MALRD1: variants seen among roughly 807,000 people sequenced by gnomAD.
MALRD1 encodes the protein MAM and LDL receptor class A domain containing 1, also known as MAM and LDL-receptor class A domain-containing protein 1.
Under a neutral mutation model 242.1 loss-of-function variants are expected in MALRD1, and 247 were observed. The ratio of observed to expected loss-of-function variants is 1.02; its 90% CI spans 0.92 to 1.13. The LOEUF is 1.13. Among genes scored for constraint, MALRD1 ranks in the 50% most tolerant of loss-of-function variants. The pLI is 0.00. For synonymous variants in MALRD1, 995 were observed against 866.6 expected (o/e 1.15, Z -2.60); for missense variants, 2,989 against 2,533.1 (o/e 1.18, Z -3.86).
chr10:19,166,680 T>C (rs192374243), intron 13 of MALRD1, among the ~76,000 whole-genome samples: 1 of 152,114 alleles, frequency 6.6e-6, no homozygotes, highest in Non-Finnish European at 1.5e-5. Context: ...AAATATCACA[T>C]TTACCCCATA....
At position 19,165,684 on chromosome 10, in the gene MALRD1, T is replaced by C; in HGVS notation, c.1704T>C (p.Phe568=). Reference sequence around the variant, plus strand: ...CTCAACATTCAAATCTCTCAGTTTTTACAAGAACGTCTCTAGATGGAAACT... The same window carrying C: ...CTCAACATTCAAATCTCTCAGTTTTCACAAGAACGTCTCTAGATGGAAACT... The part of the protein sequence containing the change: ...HLSQHSNLSV[F]TRTSLDGNLQ... Residue 568 remains phenylalanine, a synonymous_variant, in exon 13 of 40, where the codon TTT becomes TTC. Transcript: ENST00000454679. 8.1e-7 allele frequency: 1 copy of C among 1,231,680 alleles called. No individual in the cohort carries two copies. Among genetic ancestry groups the C allele is most frequent in the Non-Finnish European group, 1.0e-6 (1 of 987,948 alleles). The allele number at this position is 1,231,680 out of a possible 1,614,324, so 76.3% of individuals were successfully genotyped here. A position where few individuals can be genotyped will look rare whatever the true frequency, so the allele number is the denominator to read the frequency against.
chr10:19,369,812 C>T (rs1404676354), intron 26 of MALRD1, among the ~76,000 whole-genome samples: 1 of 151,480 alleles, frequency 6.6e-6, no homozygotes, highest in Non-Finnish European at 1.5e-5. Flanking sequence ...CTCTAGATGC[C>T]AGTATCATTA....
chr10:19,320,372 C>A (rs1842872295), intron 21 of MALRD1, among the ~76,000 whole-genome samples: 1 of 152,106 alleles, frequency 6.6e-6, no homozygotes, highest in Non-Finnish European at 1.5e-5. Flanking sequence ...TTTCCACCTT[C>A]ATCCATGTCC....
At chr10:19,520,266 A>G (rs1057098354) in intron 31 of MALRD1, among the ~76,000 whole-genome samples, 3 of 152,166 alleles carry the variant, frequency 2.0e-5, no homozygotes, top group Non-Finnish European at 4.4e-5. Flanking sequence ...CCCAAAATGT[A>G]TAAAACTGAT....
intron 31 of MALRD1, among the ~76,000 whole-genome samples, chr10:19,529,846 A>T (rs1024668076): frequency 6.6e-6 from 1 of 152,108 alleles, no homozygotes; most frequent in Non-Finnish European, 1.5e-5. Flanking sequence ...AGAAAGGAAG[A>T]TTACAGGAAT....
At chr10:19,603,688 G>A (rs999207415) in intron 34 of MALRD1, among the ~76,000 whole-genome samples, 2 of 152,000 alleles carry the variant, frequency 1.3e-5, no homozygotes, top group Non-Finnish European at 2.9e-5. Context: ...CCCTTTTTTG[G>A]TTTCATATTT....
In MALRD1 at chr10:19,446,780, T is replaced by G. The variant is rs79825253; in HGVS notation, c.4846-3527T>G. On this transcript the variant is annotated intron_variant, in intron 28 of 39. Coordinates refer to ENST00000454679, the MANE Select transcript of MALRD1 (RefSeq NM_001142308.3). Reference sequence around the variant, plus strand: ...TAACCATTTTTGTATTAGTGTCTATTTTTTACTCTTATTAATGTGGTTAAT... The same window carrying G: ...TAACCATTTTTGTATTAGTGTCTATGTTTTACTCTTATTAATGTGGTTAAT... Among the ~76,000 whole-genome samples the G allele has an allele frequency of 6.7e-3, 1,015 of 152,302 alleles. 14 individuals are homozygous for G. The highest frequency in any genetic ancestry group is 0.024 in the Admixed American group (369 of 15,300).
At chr10:19,070,609 A>G (rs948037542) in intron 2 of MALRD1, among the ~76,000 whole-genome samples, 1 of 152,028 alleles carries the variant, frequency 6.6e-6, no homozygotes, top group Non-Finnish European at 1.5e-5. Context: ...ATTGTGCATA[A>G]TTACAATGGG....
intron 32 of MALRD1, among the ~76,000 whole-genome samples, chr10:19,559,858 A>G (rs978530845): frequency 6.6e-6 from 1 of 152,228 alleles, no homozygotes; most frequent in African/African-American, 2.4e-5. Context: ...TGAAAAGAAG[A>G]CATTTATGAG....
intron 29 of MALRD1, among the ~76,000 whole-genome samples, chr10:19,461,057 T>A (rs1168184514): frequency 1.3e-5 from 2 of 152,144 alleles, no homozygotes; most frequent in Admixed American, 1.3e-4. Context: ...TGCCTACTTG[T>A]TTAATTGTTT....
At chr10:19,650,151 T>G (rs560755622) in intron 36 of MALRD1, among the ~76,000 whole-genome samples, 1 of 152,280 alleles carries the variant, frequency 6.6e-6, no homozygotes, top group Non-Finnish European at 1.5e-5. Context: ...AAAATTTTCC[T>G]GAGTAGGATT....
At chr10:19,578,895 C>A (rs1165066248) in intron 33 of MALRD1, among the ~76,000 whole-genome samples, 1 of 152,000 alleles carries the variant, frequency 6.6e-6, no homozygotes, top group East Asian at 1.9e-4. Context: ...TTGAGCCATC[C>A]AGTTCTGACC....
chr10:19,462,497 T>C (rs1266117884), intron 29 of MALRD1, among the ~76,000 whole-genome samples: 3 of 152,252 alleles, frequency 2.0e-5, no homozygotes, highest in African/African-American at 7.2e-5. Context: ...GTGTTCTCCC[T>C]TCACTCAGGT....
chr10:19,689,728 T>C (rs998803233), intron 36 of MALRD1, among the ~76,000 whole-genome samples: 1 of 152,216 alleles, frequency 6.6e-6, no homozygotes, highest in African/African-American at 2.4e-5. Flanking sequence ...TCCATGTTCC[T>C]GGTATGTCAT....
At chr10:19,368,821 AT>A (rs1845224607) in intron 26 of MALRD1, among the ~76,000 whole-genome samples, 1 of 149,378 alleles carries the variant, frequency 6.7e-6, no homozygotes, top group Non-Finnish European at 1.5e-5. Flanking sequence ...GTAGACTTCA[AT>A]TCGCTTTTTC....
intron 28 of MALRD1, among the ~76,000 whole-genome samples, chr10:19,440,151 A>G (rs373921343): frequency 6.6e-6 from 1 of 151,478 alleles, no homozygotes; most frequent in East Asian, 2.0e-4. Flanking sequence ...TCTCTTTCAC[A>G]TTTTTCTGTT....
At chr10:19,083,380 C>T (rs532154675) in intron 2 of MALRD1, among the ~76,000 whole-genome samples, 2 of 152,076 alleles carry the variant, frequency 1.3e-5, no homozygotes, top group African/African-American at 4.8e-5. Flanking sequence ...CAGCCCTACA[C>T]ATGCACATGT....
chr10:19,176,174 T>C (rs1588655562), intron 14 of MALRD1, among the ~76,000 whole-genome samples: 1 of 152,170 alleles, frequency 6.6e-6, no homozygotes, highest in Admixed American at 6.5e-5. Context: ...AGACATACTG[T>C]ATATTCCTAA....
At chr10:19,251,336 C>T (rs532276760) in intron 18 of MALRD1, among the ~76,000 whole-genome samples, 9 of 151,928 alleles carry the variant, frequency 5.9e-5, no homozygotes, top group Non-Finnish European at 1.3e-4. Context: ...GCTTACATTC[C>T]AGAGTAAAAA....
Sources: gnomAD v4.1 joint callset for allele counts (sites outside exome capture counted in the v4.1 genomes callset) on GRCh38, gnomAD v4.1.1 for gene constraint, MANE v1.5 for transcripts, NCBI Gene and HGNC (gene_info 2026-07-23, HGNC 2026-07-21) for gene names.